ARHGEF28: variants seen among roughly 807,000 people sequenced by gnomAD.
The protein encoded by ARHGEF28 is 190 kDa guanine nucleotide exchange factor.
ARHGEF28 carries 152 observed loss-of-function variants against 206.6 expected under a neutral mutation model. The ratio of observed to expected loss-of-function variants is 0.74; its 90% CI spans 0.64 to 0.84. The LOEUF is 0.84. ARHGEF28 is among the 40% of genes least tolerant of loss of function. The probability of loss-of-function intolerance (pLI) is 0.00; values close to 1 mark genes in which losing one functional copy is unlikely to be tolerated. For synonymous variants in ARHGEF28, 763 were observed against 776.4 expected (o/e 0.98, Z 0.29); for missense variants, 2,028 against 2,073.2 (o/e 0.98, Z 0.42).
intron 30 of ARHGEF28, chr5:73,899,215 CTTTTAAAA>C (rs1580069385): frequency 6.6e-6 from 1 of 152,102 alleles, no homozygotes; most frequent in African/African-American, 2.4e-5. Flanking sequence ...GGGTGATTTC[CTTTTAAAA>C]GAAGAACCTC....
intron 35 of ARHGEF28, among the ~76,000 whole-genome samples, chr5:73,927,618 T>G (rs1763893173): frequency 6.6e-6 from 1 of 152,130 alleles, no homozygotes; most frequent in South Asian, 2.1e-4. Flanking sequence ...CTCAGCCTCC[T>G]CAGTAGCTGG....
chr5:73,686,190 G>A (rs1436478657), intron 2 of ARHGEF28, among the ~76,000 whole-genome samples: 1 of 151,958 alleles, frequency 6.6e-6, no homozygotes, highest in Non-Finnish European at 1.5e-5. Context: ...GTTGGGTTTG[G>A]CCCAGACATG....
chr5:73,886,014 G>A lies in ARHGEF28; in HGVS notation c.3220G>A (p.Val1074Met). The A allele has an allele frequency of 1.2e-6, 2 of 1,613,928 alleles. No individual in the cohort carries two copies. Among genetic ancestry groups the A allele is most frequent in the Non-Finnish European group, 8.5e-7 (1 of 1,179,854 alleles). ...KTYTKLKNGH[V>M]FRKQALMSEE... ...ATACACGAAGCTCAAAAATGGACAT[G>A]TGTTTAGGAAGCAGGCACTGATGAG... Residue 1074 changes from valine to methionine, a missense_variant, in exon 25 of 36, where the codon GTG becomes ATG. Val to Met is a conservative substitution (Grantham distance 21). This residue lies in a region of ARHGEF28 where 223 missense variants were observed against 289.9 expected (regional missense o/e 0.77). Transcript: ENST00000513042.
At chr5:73,897,358 A>C (rs1762016760) in intron 29 of ARHGEF28, among the ~76,000 whole-genome samples, 1 of 152,164 alleles carries the variant, frequency 6.6e-6, no homozygotes, top group South Asian at 2.1e-4. Flanking sequence ...TCAAATGCCC[A>C]ATATCCCCTA....
intron 10 of ARHGEF28, among the ~76,000 whole-genome samples, chr5:73,838,871 A>G (rs1757818870): frequency 6.7e-6 from 1 of 148,630 alleles, no homozygotes; most frequent in Admixed American, 6.6e-5. Context: ...AGTTGTCCCA[A>G]TAATGTTCCC....
At chr5:73,897,939 A>G in intron 29 of ARHGEF28, 23 bp from the exon 30 acceptor site, 2 of 1,548,642 alleles carry the variant, frequency 1.3e-6, no homozygotes, top group South Asian at 2.4e-5. Context: ...TTTTAGATTT[A>G]TTTTTGTTTT....
In ARHGEF28 at chr5:73,823,003, G is replaced by T. The variant is rs149345763; in HGVS notation, c.1025-9335G>T. Among the ~76,000 whole-genome samples, 283 of 152,270 alleles carry T rather than the reference G, an allele frequency of 1.9e-3. 3 individuals carry two copies. Among genetic ancestry groups the T allele is most frequent in the African/African-American group, 6.4e-3 (264 of 41,554 alleles). ...TAACACTAAGACCATTGGTGAAAAG[G>T]ACTTTCTATAAACTTCAGAACTTGG... On this transcript the variant is annotated intron_variant, in intron 9 of 35. Coordinates refer to ENST00000513042, the MANE Select transcript of ARHGEF28 (RefSeq NM_001177693.2).
At chr5:73,640,251 T>G (rs1743987069) in intron 1 of ARHGEF28, among the ~76,000 whole-genome samples, 1 of 152,210 alleles carries the variant, frequency 6.6e-6, no homozygotes, top group Non-Finnish European at 1.5e-5. Context: ...GCTACTGGTA[T>G]TCCAGTCCTC....
intron 1 of ARHGEF28, among the ~76,000 whole-genome samples, chr5:73,669,074 G>A (rs1580461100): frequency 1.3e-5 from 2 of 152,212 alleles, no homozygotes; most frequent in East Asian, 3.9e-4. Flanking sequence ...CCCATAAGTG[G>A]CATATCCTAC....
chr5:73,876,773 A>G, intron 22 of ARHGEF28, among the ~76,000 whole-genome samples: 1 of 151,188 alleles, frequency 6.6e-6, no homozygotes, highest in Non-Finnish European at 1.5e-5. Flanking sequence ...GATGAAGCCC[A>G]CTTGATCATG....
chr5:73,903,513 A>G (rs975374318), intron 31 of ARHGEF28: 2 of 152,252 alleles, frequency 1.3e-5, no homozygotes, highest in African/African-American at 4.8e-5. Flanking sequence ...GCAAACCATC[A>G]CTATCCACGT....
At chr5:73,820,254 G>A (rs977052375) in intron 9 of ARHGEF28, among the ~76,000 whole-genome samples, 1 of 152,156 alleles carries the variant, frequency 6.6e-6, no homozygotes, top group Non-Finnish European at 1.5e-5. Context: ...ATACAATAAT[G>A]TAAATAGTCA....
At chr5:73,886,425 G>A (rs1761300894) in intron 25 of ARHGEF28, among the ~76,000 whole-genome samples, 1 of 152,218 alleles carries the variant, frequency 6.6e-6, no homozygotes, top group Non-Finnish European at 1.5e-5. Flanking sequence ...TGTGTTGAAA[G>A]CAAGGCAGTA....
At chr5:73,760,617 A>G (rs10942686) in intron 4 of ARHGEF28, among the ~76,000 whole-genome samples, 51,333 of 152,098 alleles carry the variant, frequency 0.34, 9,623 homozygotes, top group African/African-American at 0.5. Context: ...ATTGTTTTAC[A>G]GTTCTCAGCT....
intron 9 of ARHGEF28, chr5:73,813,720 C>G (rs1040712311): frequency 4.0e-6 from 6 of 1,508,006 alleles, no homozygotes; most frequent in Non-Finnish European, 5.3e-6. Context: ...AACCAGACAT[C>G]CTATTCTTTC....
intron 35 of ARHGEF28, among the ~76,000 whole-genome samples, chr5:73,940,325 A>G (rs1424004164): frequency 6.6e-6 from 1 of 152,190 alleles, no homozygotes; most frequent in Non-Finnish European, 1.5e-5. Context: ...TGTAGTATTA[A>G]CAGATCTGTG....
rs1742995681 is a variant in ARHGEF28, at chr5:73,626,337, G to A, written c.-12+15G>A. On this transcript the variant is annotated intron_variant, in intron 1 of 35. Coordinates refer to ENST00000513042, the MANE Select transcript of ARHGEF28 (RefSeq NM_001177693.2). ...CATCGCTCCAGGTAAATGCTCTTTG[G>A]GACTCCATCGTCTGCGTTTCCCTGC... 1 of 152,262 alleles carries A rather than the reference G, an allele frequency of 6.6e-6. No homozygotes were observed. Among genetic ancestry groups the A allele is most frequent in the African/African-American group, 2.4e-5 (1 of 41,450 alleles). 9.4% of individuals were successfully genotyped at this position (152,262 alleles called of 1,614,324 possible).
At chr5:73,885,722 C>A (rs756207404) in intron 24 of ARHGEF28, 128 bp from the exon 25 acceptor site, 23 of 1,056,182 alleles carry the variant, frequency 2.2e-5, no homozygotes, top group Non-Finnish European at 2.7e-5. Flanking sequence ...CAACATTTTT[C>A]TTATGGGATT....
chr5:73,745,346 T>G (rs1345741596), intron 2 of ARHGEF28, among the ~76,000 whole-genome samples: 1 of 152,018 alleles, frequency 6.6e-6, no homozygotes, highest in Non-Finnish European at 1.5e-5. Flanking sequence ...ACATGCAAAC[T>G]GGTGTTGACA....
Sources: allele counts gnomAD v4.1 joint callset (sites outside exome capture counted in the v4.1 genomes callset), GRCh38; gene constraint gnomAD v4.1.1; regional missense constraint gnomAD v4.1.1; transcripts MANE v1.5; gene names NCBI Gene and HGNC (gene_info 2026-07-23, HGNC 2026-07-21).